NOMO1: variants seen among roughly 807,000 people sequenced by gnomAD.
NOMO1 encodes nodal modulator 3.
Under a neutral mutation model 133.8 loss-of-function variants are expected in NOMO1, and 40 were observed. The observed-to-expected ratio is 0.30, with a 90% CI of 0.23 to 0.39. The LOEUF is 0.39. Among genes scored for constraint, NOMO1 ranks in the 10% least tolerant of loss-of-function variants. The probability of loss-of-function intolerance (pLI) is 1.00; values close to 1 mark genes in which losing one functional copy is unlikely to be tolerated. For synonymous variants in NOMO1, 236 were observed against 570.5 expected (o/e 0.41, Z 8.36); for missense variants, 462 against 1,419.9 (o/e 0.33, Z 10.84).
At chr16:14,843,038 C>T (rs924263932) in intron 3 of NOMO1, among the ~76,000 whole-genome samples, 2 of 136,394 alleles carry the variant, frequency 1.5e-5, no homozygotes, top group Admixed American at 7.6e-5. Flanking sequence ...GTGCCTCAGC[C>T]TCCTCAGTAG....
chr16:14,845,358 G>T (rs1445923685), intron 4 of NOMO1, among the ~76,000 whole-genome samples: 1 of 151,934 alleles, frequency 6.6e-6, no homozygotes, highest in East Asian at 1.9e-4. Context: ...TTATGTCAGG[G>T]ATGGCCTTTT....
intron 29 of NOMO1, among the ~76,000 whole-genome samples, chr16:14,893,305 C>T (rs2151013874): frequency 6.6e-6 from 1 of 151,924 alleles, no homozygotes; most frequent in Admixed American, 6.5e-5. Flanking sequence ...AAGTGATTCT[C>T]ACCTCCTGAG....
chr16:14,864,612 G>A lies in NOMO1; in HGVS notation c.1423G>A (p.Ala475Thr). Residue 475 changes from alanine (A) to threonine (T), a missense_variant, in exon 13 of 31, where the codon GCA becomes ACA. Physicochemically the swap from Ala to Thr is moderately conservative, Grantham distance 58. Transcript: ENST00000287667. The stretch of plus-strand genomic sequence containing the variant: ...GATGGTTCCTGAGGCAGAAACCAGA[G>A]CAGGGCTGACGTTGAAACCCCAGAC... ...QVMVPEAETR[A>T]GLTLKPQTFP... 1 of 1,613,396 alleles carries A rather than the reference G, an allele frequency of 6.2e-7. No individual in the cohort carries two copies. The highest frequency in any genetic ancestry group is 8.5e-7 in the Non-Finnish European group (1 of 1,179,822).
intron 11 of NOMO1, among the ~76,000 whole-genome samples, chr16:14,859,402 C>T (rs1005206671): frequency 6.6e-6 from 1 of 151,994 alleles, no homozygotes; most frequent in Non-Finnish European, 1.5e-5. Context: ...CTTCCATAAA[C>T]ACTTTGTGCA....
Position 14,857,198 on chromosome 16 carries a change from C to A in NOMO1, c.964-19C>A, listed in dbSNP as rs1963853078. On this transcript the variant is annotated intron_variant, in intron 9 of 30. Coordinates refer to ENST00000287667, the MANE Select transcript of NOMO1 (RefSeq NM_014287.4). The stretch of plus-strand genomic sequence containing the variant: ...CAGGAGCACCTTCGAGCACCTTCTT[C>A]TTGTTCTTTGTTTTCTAGCCCGTGT... 1 of 1,608,086 alleles carries A rather than the reference C, an allele frequency of 6.2e-7. No homozygotes were observed. Among genetic ancestry groups the A allele is most frequent in the South Asian group, 1.1e-5 (1 of 90,846 alleles).
intron 9 of NOMO1, 132 bp from the exon 10 acceptor site, chr16:14,857,084 CG>C: frequency 9.7e-7 from 1 of 1,032,992 alleles, no homozygotes; most frequent in Non-Finnish European, 1.5e-6. Context: ...CACACAGGAC[CG>C]GGGCACTGAG....
intron 8 of NOMO1, 51 bp downstream of exon 8, chr16:14,853,655 A>G: frequency 6.2e-7 from 1 of 1,611,476 alleles, no homozygotes; most frequent in Non-Finnish European, 8.5e-7. Flanking sequence ...CTCATGACAC[A>G]GTAAAAGCCA....
chr16:14,873,675 C>T (rs1964110312), intron 18 of NOMO1, among the ~76,000 whole-genome samples: 1 of 151,762 alleles, frequency 6.6e-6, no homozygotes, highest in South Asian at 2.1e-4. Flanking sequence ...TGCATATTAC[C>T]TCCTTTCAGC....
chr16:14,855,754 G>A (rs1963824576), intron 9 of NOMO1, among the ~76,000 whole-genome samples: 1 of 151,968 alleles, frequency 6.6e-6, no homozygotes, highest in South Asian at 2.1e-4. Flanking sequence ...TTCAGGGAAT[G>A]GGGCCCTGTA....
At chr16:14,886,995 G>A (rs1201634114) in intron 28 of NOMO1, 133 bp downstream of exon 28, 24 of 1,234,472 alleles carry the variant, frequency 1.9e-5, no homozygotes, top group Non-Finnish European at 2.5e-5. Context: ...ATCAAAAGAG[G>A]TTGGGTTCTG....
Position 14,853,565 on chromosome 16 carries a change from G to A in NOMO1, c.834G>A (p.Ser278=), listed in dbSNP as rs143167300. 519 of 1,610,262 alleles carry A rather than the reference G, an allele frequency of 3.2e-4. 8 individuals are homozygous for A. In the African/African-American group the frequency reaches 3.3e-3, roughly 10 times the overall value. The part of the protein sequence containing the change: ...LCYTVSREDG[S]FSFYSLPSGG... ...ACACGGTCTCCAGAGAAGATGGCTCGTTCTCTTTCTATTCCTTGCCAAGTG... is the reference window on the plus strand; with the variant it reads ...ACACGGTCTCCAGAGAAGATGGCTCATTCTCTTTCTATTCCTTGCCAAGTG... Residue 278 remains serine, a synonymous_variant, in exon 8 of 31, where the codon TCG becomes TCA. Transcript: ENST00000287667.
intron 3 of NOMO1, among the ~76,000 whole-genome samples, chr16:14,842,291 A>G (rs1195594167): frequency 0.012 from 1,731 of 147,524 alleles, no homozygotes; most frequent in African/African-American, 0.044. Flanking sequence ...TAGACAAGGA[A>G]GAATTTAGCA....
chr16:14,873,983 C>G (rs1280141533), intron 18 of NOMO1, among the ~76,000 whole-genome samples: 1 of 151,224 alleles, frequency 6.6e-6, no homozygotes, highest in Non-Finnish European at 1.5e-5. Context: ...TCAAAATACA[C>G]CCGTCATCTA....
chr16:14,855,485 A>G (rs1350605844), intron 9 of NOMO1, among the ~76,000 whole-genome samples: 1 of 151,828 alleles, frequency 6.6e-6, no homozygotes, highest in African/African-American at 2.4e-5. Flanking sequence ...ATTACATTTG[A>G]AAGTACTGTG....
intron 29 of NOMO1, among the ~76,000 whole-genome samples, chr16:14,894,342 G>A (rs979295072): frequency 6.6e-6 from 1 of 152,142 alleles, no homozygotes; most frequent in Admixed American, 6.5e-5. Context: ...TCCAGCCAGG[G>A]TGTGGCACTT....
At chr16:14,887,835 C>A (rs1964349408) in intron 28 of NOMO1, among the ~76,000 whole-genome samples, 1 of 151,756 alleles carries the variant, frequency 6.6e-6, no homozygotes, top group Non-Finnish European at 1.5e-5. Flanking sequence ...GATGGGGGAT[C>A]CCTTGAATGA....
chr16:14,866,520 G>T, intron 14 of NOMO1, 35 bp from the exon 15 acceptor site: 1 of 1,610,054 alleles, frequency 6.2e-7, no homozygotes, highest in East Asian at 2.2e-5. Context: ...TGTGCTCCAC[G>T]CCCATGTATC....
intron 6 of NOMO1, among the ~76,000 whole-genome samples, chr16:14,849,860 T>C (rs1361754447): frequency 6.7e-6 from 1 of 148,486 alleles, no homozygotes; most frequent in African/African-American, 2.5e-5. Flanking sequence ...GTGGTGGGAT[T>C]ACAGGTATAA....
chr16:14,837,265 T>C (rs1245408386), intron 1 of NOMO1, among the ~76,000 whole-genome samples: 1 of 152,072 alleles, frequency 6.6e-6, no homozygotes, highest in Non-Finnish European at 1.5e-5. Flanking sequence ...TTCTTTGGCC[T>C]CCCAAAATGC....
Sources: allele counts gnomAD v4.1 joint callset (sites outside exome capture counted in the v4.1 genomes callset), GRCh38; gene constraint gnomAD v4.1.1; transcripts MANE v1.5; gene names NCBI Gene and HGNC (gene_info 2026-07-23, HGNC 2026-07-21).